The following ST8SIA6 variants were observed in gnomAD, a reference collection of about 807,000 sequenced individuals.
The protein encoded by ST8SIA6 is alpha-2,8-sialyltransferase 8F.
In ST8SIA6, 39 loss-of-function variants were observed where a neutral mutation model predicts 33.6. That is an observed-to-expected ratio of 1.16 (90% CI 0.90 to 1.52). The LOEUF (loss-of-function observed/expected upper bound fraction) is 1.52. Among genes scored for constraint, ST8SIA6 ranks in the 40% most tolerant of loss-of-function variants. The pLI is 0.00. For missense variants in ST8SIA6, 441 were observed against 443.8 expected (o/e 0.99, Z 0.06); for synonymous variants, 172 against 167.2 (o/e 1.03, Z -0.22).
intron 4 of ST8SIA6, among the ~76,000 whole-genome samples, chr10:17,338,261 C>T (rs1206461057): frequency 7.9e-5 from 12 of 152,088 alleles, no homozygotes; most frequent in East Asian, 1.9e-4. Context: ...CTTGAACTCC[C>T]GACCTCAGTG....
At chr10:17,453,453 C>G in intron 2 of ST8SIA6, 106 bp downstream of exon 2, 2 of 851,066 alleles carry the variant, frequency 2.3e-6, no homozygotes, top group Non-Finnish European at 3.1e-6. Context: ...TCACTCGCGC[C>G]GTCCCAGCCT....
Position 17,367,377 on chromosome 10 carries a change from T to C in ST8SIA6, c.291-7777A>G, listed in dbSNP as rs575207074. 2.3e-4 allele frequency among the ~76,000 whole-genome samples: 35 copies of C among 152,202 alleles called. No homozygotes were observed. In the South Asian group the frequency reaches 5.4e-3, roughly 23 times the overall value. Reference sequence around the variant, plus strand: ...ATCTCTTGAGACCTATTTACTGTCATGAGAACAGCACGAGAAAACCCGCCC... The same window carrying C: ...ATCTCTTGAGACCTATTTACTGTCACGAGAACAGCACGAGAAAACCCGCCC... On this transcript the variant is annotated intron_variant, in intron 3 of 7. Transcript: ENST00000377602.
intron 2 of ST8SIA6, among the ~76,000 whole-genome samples, chr10:17,431,462 G>T (rs1205553858): frequency 6.6e-6 from 1 of 151,886 alleles, no homozygotes; most frequent in African/African-American, 2.4e-5. Flanking sequence ...TAAGGGGGGG[G>T]AAAGGGTGTG....
intron 3 of ST8SIA6, among the ~76,000 whole-genome samples, chr10:17,382,382 C>G (rs141991491): frequency 1.6e-4 from 24 of 152,228 alleles, no homozygotes; most frequent in African/African-American, 5.8e-4. Flanking sequence ...TCTCCTGCCT[C>G]GGCCTCCAGA....
At chr10:17,342,429 C>T (rs144794516) in intron 4 of ST8SIA6, among the ~76,000 whole-genome samples, 4 of 152,184 alleles carry the variant, frequency 2.6e-5, no homozygotes, top group African/African-American at 9.6e-5. Context: ...ACAGAAGGCA[C>T]TTGATAAATA....
intron 2 of ST8SIA6, among the ~76,000 whole-genome samples, chr10:17,437,922 G>A (rs1852339700): frequency 6.6e-6 from 1 of 151,880 alleles, no homozygotes; most frequent in South Asian, 2.1e-4. Flanking sequence ...GTAGAGATGG[G>A]GTTTCACCAT....
chr10:17,378,463 C>G (rs1241874305), intron 3 of ST8SIA6, among the ~76,000 whole-genome samples: 1 of 152,130 alleles, frequency 6.6e-6, no homozygotes, highest in Non-Finnish European at 1.5e-5. Flanking sequence ...GCCAGCTTTC[C>G]ACAGGGTCCG....
chr10:17,359,850 C>G (rs540896661), intron 3 of ST8SIA6, among the ~76,000 whole-genome samples: 1 of 152,198 alleles, frequency 6.6e-6, no homozygotes, highest in African/African-American at 2.4e-5. Flanking sequence ...ACCGTGACAA[C>G]ACACCAACTT....
intron 2 of ST8SIA6, among the ~76,000 whole-genome samples, chr10:17,391,484 G>A (rs542129604): frequency 3.6e-4 from 54 of 150,854 alleles, no homozygotes; most frequent in African/African-American, 1.2e-3. Flanking sequence ...GGATGGTCTC[G>A]ATCTCCTGAC....
At chr10:17,374,782 C>T (rs1049979577) in intron 3 of ST8SIA6, among the ~76,000 whole-genome samples, 2 of 124,968 alleles carry the variant, frequency 1.6e-5, no homozygotes, top group Non-Finnish European at 3.4e-5. Flanking sequence ...GCTCAACTGC[C>T]CTCCCAACTT....
chr10:17,428,020 A>T (rs557199778), intron 2 of ST8SIA6, among the ~76,000 whole-genome samples: 3 of 152,346 alleles, frequency 2.0e-5, no homozygotes, highest in Non-Finnish European at 4.4e-5. Flanking sequence ...AAACAAGATC[A>T]TCGTGTTTAT....
chr10:17,408,267 A>C (rs1481779920), intron 2 of ST8SIA6: 3 of 152,646 alleles, frequency 2.0e-5, no homozygotes, highest in Non-Finnish European at 4.4e-5. Context: ...AATGTCATTA[A>C]ATGTCAGTTA....
intron 2 of ST8SIA6, among the ~76,000 whole-genome samples, chr10:17,396,422 T>G (rs112766865): frequency 0.032 from 4,947 of 152,322 alleles, 85 homozygotes; most frequent in South Asian, 0.056. Flanking sequence ...ATGGCTACAC[T>G]AGGCATCCAC....
At chr10:17,392,487 C>T (rs557953250) in intron 2 of ST8SIA6, among the ~76,000 whole-genome samples, 1 of 152,252 alleles carries the variant, frequency 6.6e-6, no homozygotes, top group East Asian at 1.9e-4. Flanking sequence ...GATCGGGCCA[C>T]TGCACTCCAG....
At chr10:17,439,866 T>C (rs571286123) in intron 2 of ST8SIA6, among the ~76,000 whole-genome samples, 1 of 152,296 alleles carries the variant, frequency 6.6e-6, no homozygotes, top group Admixed American at 6.5e-5. Flanking sequence ...CAATAAAATA[T>C]CTATGCAGCT....
intron 3 of ST8SIA6, among the ~76,000 whole-genome samples, chr10:17,384,274 G>A (rs1052842765): frequency 6.6e-5 from 10 of 152,054 alleles, no homozygotes; most frequent in East Asian, 1.9e-4. Context: ...GGAAATTCAC[G>A]AAACTCGTAA....
intron 6 of ST8SIA6, 88 bp from the exon 7 acceptor site, chr10:17,323,245 A>G (rs919656629): frequency 5.1e-6 from 4 of 782,262 alleles, no homozygotes; most frequent in Non-Finnish European, 6.3e-6. Flanking sequence ...ACACACACAC[A>G]CACACCTATC....
chr10:17,426,964 T>C (rs1465311797), intron 2 of ST8SIA6, among the ~76,000 whole-genome samples: 1 of 152,090 alleles, frequency 6.6e-6, no homozygotes. Flanking sequence ...TAGCCAGGCA[T>C]GGTGGTGTGC....
chr10:17,416,817 C>T (rs1312352709), intron 2 of ST8SIA6, among the ~76,000 whole-genome samples: 1 of 152,214 alleles, frequency 6.6e-6, no homozygotes, highest in Non-Finnish European at 1.5e-5. Flanking sequence ...TCATACTTGT[C>T]ATACATGACA....
Sources: allele counts gnomAD v4.1 joint callset (sites outside exome capture counted in the v4.1 genomes callset), GRCh38; gene constraint gnomAD v4.1.1; transcripts MANE v1.5; gene names NCBI Gene and HGNC (gene_info 2026-07-23, HGNC 2026-07-21).